DGKI: variants seen among roughly 807,000 people sequenced by gnomAD.
DGKI encodes diacylglycerol kinase iota, also known as DAG kinase iota.
In DGKI, 55 loss-of-function variants were observed where a neutral mutation model predicts 147.5. That is an observed-to-expected ratio of 0.37 (90% confidence interval 0.30 to 0.47). The LOEUF is 0.47. DGKI is among the 20% of genes least tolerant of loss of function. The probability of loss-of-function intolerance (pLI) is 1.00; values close to 1 mark genes in which losing one functional copy is unlikely to be tolerated. For synonymous variants in DGKI, 469 were observed against 477.1 expected, an observed-to-expected ratio of 0.98 and a Z score of 0.22; for missense variants, 1,007 against 1,323.8, an observed-to-expected ratio of 0.76 and a Z score of 3.71.
At chr7:137,457,585 T>C (rs1354703745) in intron 27 of DGKI, among the ~76,000 whole-genome samples, 1 of 152,138 alleles carries the variant, frequency 6.6e-6, no homozygotes, top group Admixed American at 6.6e-5. Flanking sequence ...CTCGATATAG[T>C]GATTCAGAAT....
intron 19 of DGKI, among the ~76,000 whole-genome samples, chr7:137,569,207 G>A (rs1818696162): frequency 6.6e-6 from 1 of 152,044 alleles, no homozygotes; most frequent in Admixed American, 6.6e-5. Context: ...TAAGAGCAAT[G>A]GGGAAATACT....
At chr7:137,490,570 T>A (rs2128937698) in intron 21 of DGKI, among the ~76,000 whole-genome samples, 1 of 152,264 alleles carries the variant, frequency 6.6e-6, no homozygotes, top group East Asian at 1.9e-4. Flanking sequence ...TCCTGCCATG[T>A]AAAAAAACAA....
At chr7:137,641,685 C>T (rs751822048) in intron 6 of DGKI, among the ~76,000 whole-genome samples, 10 of 152,138 alleles carry the variant, frequency 6.6e-5, no homozygotes, top group Non-Finnish European at 1.0e-4. Flanking sequence ...TTCTGGTTCC[C>T]GGCATTTCAG....
chr7:137,781,315 C>G (rs189950532), intron 1 of DGKI, among the ~76,000 whole-genome samples: 26 of 152,182 alleles, frequency 1.7e-4, no homozygotes, highest in African/African-American at 6.3e-4. Flanking sequence ...AGATATGAGA[C>G]CCTTAGCAAT....
chr7:137,777,526 C>T (rs942157495), intron 1 of DGKI, among the ~76,000 whole-genome samples: 5 of 152,302 alleles, frequency 3.3e-5, no homozygotes, highest in Admixed American at 1.3e-4. Context: ...ACTGTAGCCA[C>T]GCCAATTAAA....
intron 28 of DGKI, among the ~76,000 whole-genome samples, chr7:137,438,634 T>C (rs989569877): frequency 1.1e-4 from 17 of 152,176 alleles, no homozygotes; most frequent in African/African-American, 4.1e-4. Context: ...CATAGTAATA[T>C]TGTTTGCAAG....
At chr7:137,777,132 C>T (rs1458337938) in intron 1 of DGKI, among the ~76,000 whole-genome samples, 1 of 152,026 alleles carries the variant, frequency 6.6e-6, no homozygotes, top group East Asian at 1.9e-4. Context: ...TTTGAGGCTG[C>T]AGTGAATTAT....
chr7:137,718,244 G>T (rs1418208425), intron 1 of DGKI, among the ~76,000 whole-genome samples: 1 of 152,210 alleles, frequency 6.6e-6, no homozygotes, highest in Non-Finnish European at 1.5e-5. Flanking sequence ...TATTATTGTT[G>T]TGGTTGTTAT....
At chr7:137,488,789 C>T (rs751418738) in intron 21 of DGKI, among the ~76,000 whole-genome samples, 2 of 151,990 alleles carry the variant, frequency 1.3e-5, no homozygotes, top group Non-Finnish European at 2.9e-5. Context: ...GCATAAAAAA[C>T]CTTGAAGAAT....
At chr7:137,701,996 A>C (rs374069748) in intron 1 of DGKI, among the ~76,000 whole-genome samples, 11 of 152,202 alleles carry the variant, frequency 7.2e-5, no homozygotes, top group African/African-American at 2.7e-4. Flanking sequence ...ACAGAGATTC[A>C]AATATAACCC....
chr7:137,790,852 A>G (rs1219255251), intron 1 of DGKI, among the ~76,000 whole-genome samples: 3 of 152,234 alleles, frequency 2.0e-5, no homozygotes, highest in Non-Finnish European at 2.9e-5. Context: ...CTTCCTACAG[A>G]ATAAGAATTC....
chr7:137,629,738 A>G (rs529811006), intron 6 of DGKI, among the ~76,000 whole-genome samples: 5 of 152,178 alleles, frequency 3.3e-5, no homozygotes, highest in South Asian at 2.1e-4. Flanking sequence ...TACATACACA[A>G]ATTATTGGCT....
intron 28 of DGKI, among the ~76,000 whole-genome samples, chr7:137,426,036 G>A (rs1812788622): frequency 6.6e-6 from 1 of 152,142 alleles, no homozygotes; most frequent in African/African-American, 2.4e-5. Flanking sequence ...TCAGACTCAG[G>A]AAATACAGAG....
intron 1 of DGKI, among the ~76,000 whole-genome samples, chr7:137,730,507 T>C (rs1794845312): frequency 6.6e-6 from 1 of 152,116 alleles, no homozygotes; most frequent in Admixed American, 6.6e-5. Context: ...GGCTTTCTAA[T>C]TGATCTCTAA....
At chr7:137,464,029 G>C (rs1814554037) in intron 26 of DGKI, among the ~76,000 whole-genome samples, 1 of 151,846 alleles carries the variant, frequency 6.6e-6, no homozygotes, top group African/African-American at 2.4e-5. Context: ...TTTATTTTTG[G>C]AGCTAGAGCT....
At chr7:137,772,483 TTAAAG>T (rs886376972) in intron 1 of DGKI, among the ~76,000 whole-genome samples, 2 of 152,056 alleles carry the variant, frequency 1.3e-5, no homozygotes, top group African/African-American at 4.8e-5. Flanking sequence ...CAAAAAAACA[TTAAAG>T]TAATACACAC....
chr7:137,780,533 A>G (rs932860287), intron 1 of DGKI, among the ~76,000 whole-genome samples: 1 of 152,196 alleles, frequency 6.6e-6, no homozygotes, highest in Non-Finnish European at 1.5e-5. Context: ...TGAAAATACA[A>G]CCTTCATAAA....
intron 21 of DGKI, among the ~76,000 whole-genome samples, chr7:137,504,257 G>A (rs1210720477): frequency 6.6e-6 from 1 of 152,160 alleles, no homozygotes; most frequent in Non-Finnish European, 1.5e-5. Flanking sequence ...TTTTTAAAAA[G>A]ATTTAATTAT....
At chr7:137,775,470 C>T (rs879808555) in intron 1 of DGKI, among the ~76,000 whole-genome samples, 2 of 152,184 alleles carry the variant, frequency 1.3e-5, no homozygotes, top group Non-Finnish European at 2.9e-5. Context: ...GGTGCCAAAT[C>T]CTCAAATGAA....
Sources: gnomAD v4.1 joint callset for allele counts (sites outside exome capture counted in the v4.1 genomes callset) on GRCh38, gnomAD v4.1.1 for gene constraint, MANE v1.5 for transcripts, NCBI Gene and HGNC (gene_info 2026-07-23, HGNC 2026-07-21) for gene names.